ARID5B: variants seen among roughly 807,000 people sequenced by gnomAD.
The protein encoded by ARID5B is AT-rich interactive domain-containing protein 5B.
In ARID5B, 13 loss-of-function variants were observed where a neutral mutation model predicts 97.2. That is an observed-to-expected ratio of 0.13 (90% CI 0.09 to 0.21). The LOEUF (loss-of-function observed/expected upper bound fraction) is 0.21. Ranked by LOEUF, ARID5B falls within the 10% of genes least tolerant of loss-of-function variation. ARID5B has a pLI of 1.00. For missense variants in ARID5B, 1,210 were observed against 1,465.3 expected (o/e 0.83, Z 2.84); for synonymous variants, 556 against 570.3 (o/e 0.97, Z 0.36).
chr10:62,021,256 A>T lies in ARID5B; in HGVS notation c.733+20935A>T, dbSNP rs796804092. On this transcript the variant is annotated intron_variant, in intron 4 of 9. Transcript: ENST00000279873. ...TTTAGCTGCACATGCTATACCATTT[A>T]AAAAACTTAGACTAAATACTGTCAG... is the stretch of plus-strand genomic sequence containing the variant. Among the ~76,000 whole-genome samples, 27 of 152,168 alleles carry T rather than the reference A, an allele frequency of 1.8e-4. 1 individual carries two copies. Among genetic ancestry groups the T allele is most frequent in the African/African-American group, 6.3e-4 (26 of 41,544 alleles).
intron 2 of ARID5B, among the ~76,000 whole-genome samples, chr10:61,912,399 A>G (rs1843821120): frequency 6.6e-6 from 1 of 152,108 alleles, no homozygotes; most frequent in Non-Finnish European, 1.5e-5. Flanking sequence ...ATACTTGAAA[A>G]TTGCTAACAG....
intron 2 of ARID5B, among the ~76,000 whole-genome samples, chr10:61,931,805 A>G (rs1326665870): frequency 6.6e-6 from 1 of 152,230 alleles, no homozygotes; most frequent in African/African-American, 2.4e-5. Context: ...ACATATTAGG[A>G]TAATAATTAT....
At chr10:62,058,779 C>T (rs1839887768) in intron 6 of ARID5B, among the ~76,000 whole-genome samples, 1 of 152,170 alleles carries the variant, frequency 6.6e-6, no homozygotes, top group Non-Finnish European at 1.5e-5. Context: ...TGCCATCAGA[C>T]ATTCTATTAA....
At chr10:62,081,567 A>T (rs893408412) in intron 8 of ARID5B, among the ~76,000 whole-genome samples, 1 of 152,234 alleles carries the variant, frequency 6.6e-6, no homozygotes, top group Non-Finnish European at 1.5e-5. Flanking sequence ...TTTGTACAAA[A>T]TGCAAATGAT....
At chr10:62,032,963 G>A (rs533213059) in intron 4 of ARID5B, among the ~76,000 whole-genome samples, 2 of 152,252 alleles carry the variant, frequency 1.3e-5, no homozygotes, top group South Asian at 2.1e-4. Context: ...CTGAAAACGC[G>A]AGAGCAAAAG....
At chr10:62,024,880 C>T in intron 4 of ARID5B, 1 of 355,930 alleles carries the variant, frequency 2.8e-6, no homozygotes, top group Non-Finnish European at 5.1e-6. Flanking sequence ...GTACCAAAGA[C>T]ACTTAGGAAT....
chr10:62,060,416 T>C (rs1277911304), intron 7 of ARID5B, among the ~76,000 whole-genome samples: 2 of 152,208 alleles, frequency 1.3e-5, no homozygotes, highest in Non-Finnish European at 2.9e-5. Context: ...GTTTCATATA[T>C]GGCGTATGTA....
chr10:62,018,519 G>A (rs1443949517), intron 4 of ARID5B, among the ~76,000 whole-genome samples: 12 of 151,518 alleles, frequency 7.9e-5, no homozygotes, highest in Admixed American at 7.9e-4. Context: ...CAAAGACTGG[G>A]TGGGTGCCAG....
intron 2 of ARID5B, among the ~76,000 whole-genome samples, chr10:61,907,535 T>C (rs77473125): frequency 0.019 from 2,895 of 152,334 alleles, 125 homozygotes; most frequent in African/African-American, 0.065. Flanking sequence ...TAGCATAGTA[T>C]AGTACCTACA....
At position 61,901,719 on chromosome 10, in the gene ARID5B, A is replaced by C; in HGVS notation, c.10A>C (p.Asn4His). ...AATTCAGAACGTCGAGATGGAGCCCAACTCACTCCAGGTATTTCGCTCTCC... is the reference window on the plus strand; with the variant it reads ...AATTCAGAACGTCGAGATGGAGCCCCACTCACTCCAGGTATTTCGCTCTCC... Reference protein sequence around the residue: MEPNSLQWVGSPCG... With the variant: MEPHSLQWVGSPCG... The change falls in exon 1 of 10, where the codon AAC (asparagine) becomes CAC (histidine). Residue 4 changes from asparagine (N) to histidine (H), a missense_variant. Transcript: ENST00000279873. 2 of 1,613,894 alleles carry C rather than the reference A, an allele frequency of 1.2e-6. No homozygotes were observed. The highest frequency in any genetic ancestry group is 1.7e-6 in the Non-Finnish European group (2 of 1,179,966).
At chr10:61,922,101 G>C (rs1844025884) in intron 2 of ARID5B, among the ~76,000 whole-genome samples, 2 of 152,344 alleles carry the variant, frequency 1.3e-5, no homozygotes. Flanking sequence ...GTAGACTGCA[G>C]ATTGCCTAAT....
chr10:62,078,326 T>C (rs1316165672), intron 8 of ARID5B, among the ~76,000 whole-genome samples: 1 of 152,012 alleles, frequency 6.6e-6, no homozygotes, highest in African/African-American at 2.4e-5. Context: ...CTATCTCTAC[T>C]AAAAATAAAA....
At chr10:61,943,611 T>G (rs1844451893) in intron 3 of ARID5B, among the ~76,000 whole-genome samples, 2 of 152,120 alleles carry the variant, frequency 1.3e-5, no homozygotes, top group Non-Finnish European at 2.9e-5. Context: ...AACAAAATAA[T>G]TAGATTGGTT....
intron 3 of ARID5B, among the ~76,000 whole-genome samples, chr10:61,994,977 T>C (rs964092744): frequency 6.6e-6 from 1 of 152,218 alleles, no homozygotes; most frequent in African/African-American, 2.4e-5. Context: ...AGGAATGGGA[T>C]GACATTTTAA....
At chr10:62,035,632 A>T (rs1839553431) in intron 4 of ARID5B, among the ~76,000 whole-genome samples, 1 of 152,048 alleles carries the variant, frequency 6.6e-6, no homozygotes, top group Admixed American at 6.6e-5. Flanking sequence ...CTGCGATCAC[A>T]GGCGTCTGCC....
chr10:61,957,397 T>C (rs372929831), intron 3 of ARID5B, among the ~76,000 whole-genome samples: 5 of 152,142 alleles, frequency 3.3e-5, no homozygotes, highest in East Asian at 1.9e-4. Flanking sequence ...GCCTATTGAG[T>C]AGCTGAGACT....
intron 4 of ARID5B, among the ~76,000 whole-genome samples, chr10:62,014,199 G>C (rs1417758625): frequency 6.6e-6 from 1 of 152,054 alleles, no homozygotes; most frequent in Non-Finnish European, 1.5e-5. Context: ...CATAATGGCT[G>C]TACTAATTTA....
chr10:62,009,250 T>G (rs375554339), intron 4 of ARID5B, among the ~76,000 whole-genome samples: 1 of 152,176 alleles, frequency 6.6e-6, no homozygotes, highest in African/African-American at 2.4e-5. Context: ...CTGTTTTGGC[T>G]CTCCAGGTGC....
At chr10:61,969,984 A>C (rs942855023) in intron 3 of ARID5B, among the ~76,000 whole-genome samples, 3 of 152,212 alleles carry the variant, frequency 2.0e-5, no homozygotes, top group African/African-American at 7.2e-5. Flanking sequence ...GCTTGCCAGT[A>C]CGAGAAAAGT....
Sources: allele counts gnomAD v4.1 joint callset (sites outside exome capture counted in the v4.1 genomes callset), GRCh38; gene constraint gnomAD v4.1.1; transcripts MANE v1.5; gene names NCBI Gene and HGNC (gene_info 2026-07-23, HGNC 2026-07-21).